Variants in ZNF318 observed in about 807,000 individuals in gnomAD.
ZNF318 encodes endocrine regulator.
Under a neutral mutation model 124.2 loss-of-function variants are expected in ZNF318, and 51 were observed. That is an observed-to-expected ratio of 0.41 (90% CI 0.33 to 0.52). The LOEUF (loss-of-function observed/expected upper bound fraction) is 0.52, where lower values mean the gene tolerates loss of function less well. Ranked by LOEUF, ZNF318 falls within the 20% of genes least tolerant of loss-of-function variation. The probability of loss-of-function intolerance (pLI) is 0.23; values close to 1 mark genes in which losing one functional copy is unlikely to be tolerated. For synonymous variants in ZNF318, 1,090 were observed against 1,040.7 expected, an observed-to-expected ratio of 1.05 and a Z score of -0.91; for missense variants, 2,815 against 2,811.2, an observed-to-expected ratio of 1.00 and a Z score of -0.03.
Position 43,348,510 on chromosome 6 carries a change from C to T in ZNF318, c.2886G>A (p.Glu962=), listed in dbSNP as rs1250556651. Residue 962 remains glutamate (E), a synonymous_variant, in exon 6 of 10, where the codon GAG becomes GAA. Coordinates refer to ENST00000361428, the MANE Select transcript of ZNF318 (RefSeq NM_014345.3). The part of the protein sequence containing the change: ...IMKDIAELRQ[E]AEEAEKKQSE... ...ATTGCTTCTTTTCTGCCTCTTCTGC[C>T]TCTTGCCGTAGCTCTGCAATGTCCT... The T allele has an allele frequency of 3.1e-6, 5 of 1,614,124 alleles. No individual in the cohort carries two copies. Among genetic ancestry groups the T allele is most frequent in the Non-Finnish European group, 4.2e-6 (5 of 1,180,034 alleles).
In ZNF318 at chr6:43,337,163, T is replaced by C; in HGVS notation, c.6835A>G (p.Asn2279Asp). 2 of 1,582,448 alleles carry C rather than the reference T, an allele frequency of 1.3e-6. No individual in the cohort carries two copies. Among genetic ancestry groups the C allele is most frequent in the Non-Finnish European group, 1.7e-6 (2 of 1,164,566 alleles). The change falls in exon 10 of 10, where the codon AAC becomes GAC. Residue 2279 changes from asparagine to aspartate, a missense_variant. Physicochemically the swap from Asn to Asp is conservative, Grantham distance 23. Around this residue, in one of 4 missense-constraint regions of ZNF318, gnomAD observed 927 missense variants for 820.6 expected, o/e 1.13. Coordinates refer to ENST00000361428, the MANE Select transcript of ZNF318 (RefSeq NM_014345.3). ...IQDHTESSVHN is the reference protein window; with the variant it reads ...IQDHTESSVHD ...GTAGCTCTAGGTATTTATTCTTAGTTGTGAACACTGGATTCTGTGTGGTCC... is the reference window on the plus strand; with the variant it reads ...GTAGCTCTAGGTATTTATTCTTAGTCGTGAACACTGGATTCTGTGTGGTCC...
In ZNF318 at chr6:43,338,060, G is replaced by A; in HGVS notation, c.5938C>T (p.Leu1980=). 15 of 1,614,214 alleles carry A rather than the reference G, an allele frequency of 9.3e-6. No individual in the cohort carries two copies. Among genetic ancestry groups the A allele is most frequent in the Non-Finnish European group, 1.2e-5 (14 of 1,180,028 alleles). The change falls in exon 10 of 10, where the codon CTG becomes TTG. Residue 1980 remains leucine, a synonymous_variant. Transcript: ENST00000361428. ...TCTGGATGGACATCTTGTAGCTCCAGTGCTTCTGTTTTTGGTTTCTCTGGG... is the reference window on the plus strand; with the variant it reads ...TCTGGATGGACATCTTGTAGCTCCAATGCTTCTGTTTTTGGTTTCTCTGGG... The part of the protein sequence containing the change: ...ESPEKPKTEA[L]ELQDVHPELT...
rs759400661 is a variant in ZNF318 at position 43,354,798 on chromosome 6, G to A, written c.2536C>T (p.Pro846Ser). ...CCTCGCAGAGACTCTTTCTGCTTAG[G>A]CTTATCAGGAGTCACAGTGGGGATC... is the stretch of plus-strand genomic sequence containing the variant. ...RVIPTVTPDKPKQKESLRGSI... is the reference protein window; with the variant it reads ...RVIPTVTPDKSKQKESLRGSI... The change falls in exon 4 of 10, where the codon CCT becomes TCT. Residue 846 changes from proline to serine, a missense_variant. Pro to Ser is a moderately conservative substitution (Grantham distance 74). This residue lies in a region of ZNF318 where 1,377 missense variants were observed against 1,353.5 expected (regional missense o/e 1.02). Coordinates refer to ENST00000361428, the MANE Select transcript of ZNF318 (RefSeq NM_014345.3). The A allele has an allele frequency of 6.2e-7, 1 of 1,614,202 alleles. No homozygotes were observed. The highest frequency in any genetic ancestry group is 2.2e-5 in the East Asian group (1 of 44,884).
At position 43,336,434 on chromosome 6, in the gene ZNF318, T is replaced by C. The variant is rs373325859; in HGVS notation, c.*724A>G. The C allele has an allele frequency of 3.3e-5, 5 of 152,284 alleles. No homozygotes were observed. Among genetic ancestry groups the C allele is most frequent in the South Asian group, 4.1e-4 (2 of 4,836 alleles). 9.4% of individuals were successfully genotyped at this position (152,284 alleles called of 1,614,324 possible). A position where few individuals can be genotyped will look rare whatever the true frequency, so the allele number is the denominator to read the frequency against. Reference sequence around the variant, plus strand: ...CTGGCAATGAACCATGAATAAGCCTTACCGATTTGTCGTCTTCTAAAAGTA... The same window carrying C: ...CTGGCAATGAACCATGAATAAGCCTCACCGATTTGTCGTCTTCTAAAAGTA... On this transcript the variant is annotated 3_prime_UTR_variant, in exon 10 of 10. Coordinates refer to ENST00000361428, the MANE Select transcript of ZNF318 (RefSeq NM_014345.3).
At position 43,336,637 on chromosome 6, in the gene ZNF318, C is replaced by T. The variant is rs1779283677; in HGVS notation, c.*521G>A. 1 of 152,436 alleles carries T rather than the reference C, an allele frequency of 6.6e-6. No homozygotes were observed. Among genetic ancestry groups the T allele is most frequent in the Non-Finnish European group, 1.5e-5 (1 of 68,060 alleles). The allele number at this position is 152,436 out of a possible 1,614,324, so 9.4% of individuals were successfully genotyped here. ...CATTTCAAACAATGTTAAGGCAGGC[C>T]CATCCAAATGGAAGCCTAAGAGATG... On this transcript the variant is annotated 3_prime_UTR_variant, in exon 10 of 10. Transcript: ENST00000361428.
At chr6:43,352,256 T>TCACCACCATCATCTGTGAG in intron 5 of ZNF318, 121 bp downstream of exon 5, 8 of 723,580 alleles carry the variant, frequency 1.1e-5, no homozygotes, top group Non-Finnish European at 1.8e-5. Context: ...TTTGTAAGTT[T>TCACCACCATCATCTGTGAG]AATTACGTCA....
chr6:43,364,207 C>G (rs1779728001), intron 2 of ZNF318: 1 of 724,000 alleles, frequency 1.4e-6, no homozygotes, highest in South Asian at 1.7e-5. Flanking sequence ...CCAAGTCTCC[C>G]TATCAGGAAT....
At position 43,361,968 on chromosome 6, in the gene ZNF318, C is replaced by G. The variant is rs139998268; in HGVS notation, c.548+3324G>C. Among the ~76,000 whole-genome samples, 72 of 152,090 alleles carry G rather than the reference C, an allele frequency of 4.7e-4. 1 individual carries two copies. In the East Asian group the frequency reaches 0.013, roughly 28 times the overall value. The stretch of plus-strand genomic sequence containing the variant: ...CTCAGGAGTTTGAAACCAGCCTAGG[C>G]AACACAGTGAGAACCCCATCTCTAC... On this transcript the variant is annotated intron_variant, in intron 2 of 9. Coordinates refer to ENST00000361428, the MANE Select transcript of ZNF318 (RefSeq NM_014345.3).
At chr6:43,360,833 A>G (rs1779671535) in intron 2 of ZNF318, among the ~76,000 whole-genome samples, 1 of 152,238 alleles carries the variant, frequency 6.6e-6, no homozygotes, top group Non-Finnish European at 1.5e-5. Context: ...GCCAGTCACA[A>G]AAGACCACAT....
rs759599296 is a variant in ZNF318, at chr6:43,339,119, A to C, written c.4879T>G (p.Leu1627Val). ...PLNSSASQEE[L>V]HQDEGLVAAP... is the part of the protein sequence containing the mutation. ...GCGACCAAACCCTCATCTTGATGCAACTCCTCTTGGGATGCACTGCTGTTC... is the reference window on the plus strand; with the variant it reads ...GCGACCAAACCCTCATCTTGATGCACCTCCTCTTGGGATGCACTGCTGTTC... The change falls in exon 10 of 10, where the codon TTG (leucine) becomes GTG (valine). Residue 1627 changes from leucine (L) to valine (V), a missense_variant. By Grantham distance (32) the Leu-to-Val change is conservative (BLOSUM62 1). Transcript: ENST00000361428. The surrounding 1 kb of genome is among the most constrained non-coding windows in gnomAD (Gnocchi z 4.2). 9.9e-6 allele frequency: 16 copies of C among 1,613,786 alleles called. No individual in the cohort carries two copies. The highest frequency in any genetic ancestry group is 1.3e-5 in the Non-Finnish European group (15 of 1,179,990).
intron 8 of ZNF318, among the ~76,000 whole-genome samples, chr6:43,341,437 G>C (rs981139787): frequency 6.6e-6 from 1 of 152,064 alleles, no homozygotes; most frequent in African/African-American, 2.4e-5. Flanking sequence ...CAGATCACGA[G>C]GTCAGGAGAT....
rs1351985910 is a variant in ZNF318, at chr6:43,369,517, T to C, written c.-152A>G. 1 of 487,914 alleles carries C rather than the reference T, an allele frequency of 2.0e-6. No homozygotes were observed. The highest frequency in any genetic ancestry group is 2.7e-6 in the Non-Finnish European group (1 of 373,734). The allele number at this position is 487,914 out of a possible 1,614,324, so 30.2% of individuals were successfully genotyped here. Reference sequence around the variant, plus strand: ...GCAGCCCCCTCCCCTCGGCCCCGCGTCGCCCCGGGGGCCCGGCCGAGCGCG... The same window carrying C: ...GCAGCCCCCTCCCCTCGGCCCCGCGCCGCCCCGGGGGCCCGGCCGAGCGCG... On this transcript the variant is annotated 5_prime_UTR_variant, in exon 1 of 10. Coordinates refer to ENST00000361428, the MANE Select transcript of ZNF318 (RefSeq NM_014345.3).
At position 43,340,868 on chromosome 6, in the gene ZNF318, C is replaced by A. The variant is rs192137116; in HGVS notation, c.3417G>T (p.Gln1139His). 47 of 1,614,154 alleles carry A rather than the reference C, an allele frequency of 2.9e-5. No homozygotes were observed. In the East Asian group the frequency reaches 9.6e-4, roughly 33 times the overall value. The stretch of plus-strand genomic sequence containing the variant: ...GATCCCCCAAAAATTCCTCACAGAG[C>A]TGGCAATAAAATCCACTGATGGGAA... The part of the protein sequence containing the change: ...FLVPISGFYC[Q>H]LCEEFLGDPI... Residue 1139 changes from glutamine to histidine, a missense_variant, in exon 9 of 10, where the codon CAG becomes CAT. By Grantham distance (24) the Gln-to-His change is conservative (BLOSUM62 0). Coordinates refer to ENST00000361428, the MANE Select transcript of ZNF318 (RefSeq NM_014345.3).
At chr6:43,344,794 G>A (rs917390449) in intron 6 of ZNF318, among the ~76,000 whole-genome samples, 2 of 151,752 alleles carry the variant, frequency 1.3e-5, no homozygotes, top group African/African-American at 4.8e-5. Context: ...GTGAATTGAT[G>A]GACAGAATTA....
rs1242535622 is a variant in ZNF318 at position 43,355,099 on chromosome 6, G to A, written c.2235C>T (p.Ala745=). 6.2e-7 allele frequency: 1 copy of A among 1,614,066 alleles called. No homozygotes were observed. ...GTGGAAGTCTAATTGGGGCAGATGG[G>A]GCTGATGGCAACATGCACCTGACTG... ...SVAVRCMLPS[A]PSAPIRLPHT... Residue 745 remains alanine (A), a synonymous_variant, in exon 4 of 10, where the codon GCC becomes GCT. Transcript: ENST00000361428.
intron 5 of ZNF318, among the ~76,000 whole-genome samples, chr6:43,350,785 G>A (rs1319779485): frequency 6.6e-6 from 1 of 152,116 alleles, no homozygotes; most frequent in East Asian, 1.9e-4. Context: ...CTGCACTTCA[G>A]CCTGGGTGAC....
At chr6:43,367,431 G>C (rs1779776499) in intron 1 of ZNF318, among the ~76,000 whole-genome samples, 1 of 152,212 alleles carries the variant, frequency 6.6e-6, no homozygotes, top group South Asian at 2.1e-4. Context: ...GGTAGCAAGG[G>C]CGGAGTGTAA....
rs1482868508 is a variant in ZNF318, at chr6:43,355,010, G to A, written c.2324C>T (p.Pro775Leu). 4 of 1,612,248 alleles carry A rather than the reference G, an allele frequency of 2.5e-6. No homozygotes were observed. The highest frequency in any genetic ancestry group is 1.7e-5 in the Admixed American group (1 of 59,926). The change falls in exon 4 of 10, where the codon CCT becomes CTT. Residue 775 changes from proline to leucine, a missense_variant. Transcript: ENST00000361428. ...AATGGCAGGTCCCTGGTAGTTCGGAGGTATCCGAGCTGCAGCAAACTGAGA... is the reference window on the plus strand; with the variant it reads ...AATGGCAGGTCCCTGGTAGTTCGGAAGTATCCGAGCTGCAGCAAACTGAGA... ...RASQFAAARI[P>L]PNYQGPAIPP...
Position 43,338,777 on chromosome 6 carries a change from T to C in ZNF318, c.5221A>G (p.Lys1741Glu), listed in dbSNP as rs1276655065. ...PPPQLLDIQC[K>E]ESQKLVEIHL... ...ATTTCTACCAACTTCTGAGATTCTT[T>C]GCACTGTATATCTAACAGTTGAGGA... is the stretch of plus-strand genomic sequence containing the variant. Residue 1741 changes from lysine to glutamate, a missense_variant, in exon 10 of 10, where the codon AAA becomes GAA. This residue lies in a region of ZNF318 where 927 missense variants were observed against 820.6 expected (regional missense o/e 1.13). Coordinates refer to ENST00000361428, the MANE Select transcript of ZNF318 (RefSeq NM_014345.3). 6.2e-7 allele frequency: 1 copy of C among 1,614,184 alleles called. No individual in the cohort carries two copies. The highest frequency in any genetic ancestry group is 1.7e-5 in the Admixed American group (1 of 60,026).
Sources: gnomAD v4.1 joint callset for allele counts (sites outside exome capture counted in the v4.1 genomes callset) on GRCh38, gnomAD v4.1.1 for gene constraint, gnomAD v4.1.1 regional missense constraint, Gnocchi (gnomAD v3.1) non-coding constraint, MANE v1.5 for transcripts, NCBI Gene and HGNC (gene_info 2026-07-23, HGNC 2026-07-21) for gene names.